Variants in CCSER1 observed in about 807,000 individuals in gnomAD.
CCSER1 encodes coiled-coil serine rich protein 1.
CCSER1 carries 41 observed loss-of-function variants against 82.0 expected under a neutral mutation model. The ratio of observed to expected loss-of-function variants is 0.50; its 90% CI spans 0.39 to 0.65. The LOEUF is 0.65. CCSER1 is among the 30% of genes least tolerant of loss of function. The pLI, the probability that CCSER1 is intolerant of heterozygous loss-of-function variation, is 0.00. For missense variants in CCSER1, 1,119 were observed against 1,064.2 expected (o/e 1.05, Z -0.72); for synonymous variants, 414 against 383.9 (o/e 1.08, Z -0.92).
intron 5 of CCSER1, among the ~76,000 whole-genome samples, chr4:90,504,106 A>G (rs529537616): frequency 1.3e-5 from 2 of 152,206 alleles, no homozygotes; most frequent in Admixed American, 6.5e-5. Flanking sequence ...TTAAATCGAT[A>G]TTTTAAGACC....
At chr4:91,594,346 C>T (rs1010280511) in intron 10 of CCSER1, among the ~76,000 whole-genome samples, 1 of 144,096 alleles carries the variant, frequency 6.9e-6, no homozygotes, top group Non-Finnish European at 1.5e-5. Flanking sequence ...CATATATATA[C>T]ATATATATAC....
intron 10 of CCSER1, among the ~76,000 whole-genome samples, chr4:91,150,046 T>A (rs940132207): frequency 6.6e-6 from 1 of 152,206 alleles, no homozygotes; most frequent in African/African-American, 2.4e-5. Flanking sequence ...GGGGATGGCA[T>A]TGAATCTATA....
intron 10 of CCSER1, among the ~76,000 whole-genome samples, chr4:91,380,676 C>T (rs768298262): frequency 6.6e-6 from 1 of 152,162 alleles, no homozygotes; most frequent in Non-Finnish European, 1.5e-5. Flanking sequence ...ATACAGCACA[C>T]TGATGGGTCT....
At chr4:90,782,393 A>T (rs143537375) in intron 7 of CCSER1, among the ~76,000 whole-genome samples, 139 of 152,306 alleles carry the variant, frequency 9.1e-4, no homozygotes, top group African/African-American at 3.2e-3. Flanking sequence ...ATGATTTGAG[A>T]CGTACAATGA....
rs894960004 is a variant in CCSER1, at chr4:91,600,825, T to C, written c.*1768T>C. ...AATGTTTTCTTTCTTTGCGTGTTTG[T>C]AATTCTGCCAAAAGAGAACAATATA... On this transcript the variant is annotated 3_prime_UTR_variant, in exon 11 of 11. Transcript: ENST00000509176. 4 of 152,150 alleles carry C rather than the reference T, an allele frequency of 2.6e-5. No individual in the cohort carries two copies. Among genetic ancestry groups the C allele is most frequent in the African/African-American group, 9.7e-5 (4 of 41,448 alleles). 9.4% of individuals were successfully genotyped at this position (152,150 alleles called of 1,614,324 possible).
intron 1 of CCSER1, among the ~76,000 whole-genome samples, chr4:90,142,806 G>A (rs1416722943): frequency 6.6e-6 from 1 of 151,782 alleles, no homozygotes; most frequent in Non-Finnish European, 1.5e-5. Context: ...TAGGCATATA[G>A]GATTTTTATA....
intron 10 of CCSER1, among the ~76,000 whole-genome samples, chr4:91,165,747 A>C (rs1341197043): frequency 6.6e-6 from 1 of 152,230 alleles, no homozygotes; most frequent in East Asian, 1.9e-4. Flanking sequence ...CAGGCGTGGG[A>C]TATAATCTCC....
intron 3 of CCSER1, among the ~76,000 whole-genome samples, chr4:90,334,098 T>G (rs939967766): frequency 2.0e-5 from 3 of 152,158 alleles, no homozygotes; most frequent in Non-Finnish European, 4.4e-5. Context: ...ATTACCTTGG[T>G]GAGCTCAAGA....
At chr4:91,511,902 A>G (rs376460873) in intron 10 of CCSER1, among the ~76,000 whole-genome samples, 1 of 152,254 alleles carries the variant, frequency 6.6e-6, no homozygotes, top group Non-Finnish European at 1.5e-5. Flanking sequence ...ATCATCCCAA[A>G]ACTCTCCTTC....
intron 10 of CCSER1, among the ~76,000 whole-genome samples, chr4:91,127,499 C>A (rs909035749): frequency 6.6e-6 from 1 of 152,002 alleles, no homozygotes; most frequent in African/African-American, 2.4e-5. Flanking sequence ...GTTGCAGGCA[C>A]AAATTTGCAT....
At chr4:90,670,660 A>G (rs894317733) in intron 6 of CCSER1, among the ~76,000 whole-genome samples, 1 of 152,030 alleles carries the variant, frequency 6.6e-6, no homozygotes, top group African/African-American at 2.4e-5. Flanking sequence ...TGGCCAGAAC[A>G]CTTAAACTGT....
intron 6 of CCSER1, among the ~76,000 whole-genome samples, chr4:90,713,633 T>C (rs1416094095): frequency 6.6e-6 from 1 of 151,942 alleles, no homozygotes; most frequent in Non-Finnish European, 1.5e-5. Flanking sequence ...GGGGTTAAAC[T>C]TCTTGTGAAG....
intron 10 of CCSER1, among the ~76,000 whole-genome samples, chr4:91,395,219 T>C (rs1751899947): frequency 6.6e-6 from 1 of 152,060 alleles, no homozygotes. Context: ...ATAACTGTGC[T>C]GGTCAGTTAC....
chr4:91,474,785 GTGTATATA>G (rs1560700550), intron 10 of CCSER1, among the ~76,000 whole-genome samples: 1 of 54,376 alleles, frequency 1.8e-5, no homozygotes. Flanking sequence ...ATATATATTT[GTGTATATA>G]TATATATATA....
intron 10 of CCSER1, among the ~76,000 whole-genome samples, chr4:91,574,670 C>T (rs1053560187): frequency 1.6e-4 from 25 of 151,964 alleles, no homozygotes; most frequent in Non-Finnish European, 1.5e-5. Context: ...CATGTTCTCA[C>T]TTATAAGTAG....
Position 91,604,832 on chromosome 4 carries a change from GTAT to G in CCSER1, c.*5779_*5781del, listed in dbSNP as rs535776248. ...CTTGTCCTAAATTTTTAAATAAAAT[GTAT>G]TATATTTTGTAGTCAATTATATATA... On this transcript the variant is annotated 3_prime_UTR_variant, in exon 11 of 11. Transcript: ENST00000509176. 24 of 151,940 alleles carry G rather than the reference GTAT, an allele frequency of 1.6e-4. No individual in the cohort carries two copies. In the South Asian group the frequency reaches 4.8e-3, roughly 30 times the overall value. 9.4% of individuals were successfully genotyped at this position (151,940 alleles called of 1,614,324 possible).
In CCSER1 at chr4:90,616,726, C is replaced by A. The variant is rs916271569; in HGVS notation, c.1725-11299C>A. 1.5e-3 allele frequency among the ~76,000 whole-genome samples: 173 copies of A among 115,334 alleles called. 1 individual carries two copies. Among genetic ancestry groups the A allele is most frequent in the South Asian group, 9.6e-3 (34 of 3,556 alleles). The allele number at this position is 115,334 out of a possible 152,430, so 75.7% of individuals were successfully genotyped here. On this transcript the variant is annotated intron_variant, in intron 5 of 10. Coordinates refer to ENST00000509176, the MANE Select transcript of CCSER1 (RefSeq NM_001145065.2). ...ACACACACACACACACACACACACA[C>A]ACACACACACACAAATAAAATAAAA... is the stretch of plus-strand genomic sequence containing the variant.
In CCSER1 at chr4:91,063,861, G is replaced by A. The variant is rs17018008; in HGVS notation, c.2173-22089G>A. Reference sequence around the variant, plus strand: ...TTTATTATTCCATTTTACATACTCCGAATTGGTTCTCAATGACATTAAATG... The same window carrying A: ...TTTATTATTCCATTTTACATACTCCAAATTGGTTCTCAATGACATTAAATG... On this transcript the variant is annotated intron_variant, in intron 9 of 10. Transcript: ENST00000509176. 5.9e-3 allele frequency among the ~76,000 whole-genome samples: 897 copies of A among 152,164 alleles called. 6 individuals carry two copies. The highest frequency in any genetic ancestry group is 0.02 in the African/African-American group (841 of 41,510).
At chr4:90,839,086 G>T in intron 8 of CCSER1, 1 of 1,492,996 alleles carries the variant, frequency 6.7e-7, no homozygotes, top group Non-Finnish European at 9.3e-7. Context: ...AGCGAAGTCT[G>T]GTCTGCGCAG....
Sources: gnomAD v4.1 joint callset for allele counts (sites outside exome capture counted in the v4.1 genomes callset) on GRCh38, gnomAD v4.1.1 for gene constraint, MANE v1.5 for transcripts, NCBI Gene and HGNC (gene_info 2026-07-23, HGNC 2026-07-21) for gene names.